MICAL3: variants seen among roughly 807,000 people sequenced by gnomAD.
MICAL3 encodes the protein microtubule associated monooxygenase, calponin and LIM domain containing 3.
Under a neutral mutation model 207.4 loss-of-function variants are expected in MICAL3, and 62 were observed. The ratio of observed to expected loss-of-function variants is 0.30; its 90% CI spans 0.24 to 0.37. The LOEUF (loss-of-function observed/expected upper bound fraction) is 0.37, where lower values mean the gene tolerates loss of function less well. Ranked by LOEUF, MICAL3 falls within the 10% of genes least tolerant of loss-of-function variation. The pLI, the probability that MICAL3 is intolerant of heterozygous loss-of-function variation, is 1.00. For synonymous variants in MICAL3, 1,077 were observed against 1,069.3 expected, an observed-to-expected ratio of 1.01 and a Z score of -0.14; for missense variants, 2,368 against 2,635.6, an observed-to-expected ratio of 0.90 and a Z score of 2.22.
chr22:18,011,320 C>A (rs148748455), intron 1 of MICAL3, among the ~76,000 whole-genome samples: 1 of 152,018 alleles, frequency 6.6e-6, no homozygotes, highest in African/African-American at 2.4e-5. Flanking sequence ...CCTAGGAAGG[C>A]GGATCACCTG....
chr22:17,975,585 A>T (rs918251524), intron 1 of MICAL3, among the ~76,000 whole-genome samples: 1 of 152,142 alleles, frequency 6.6e-6, no homozygotes, highest in Non-Finnish European at 1.5e-5. Flanking sequence ...CAACGAATTC[A>T]TTTACCCCAA....
intron 7 of MICAL3, among the ~76,000 whole-genome samples, chr22:17,898,281 C>T (rs56744840): frequency 2.3e-3 from 345 of 152,334 alleles, no homozygotes; most frequent in African/African-American, 7.9e-3. Flanking sequence ...AGCAATGTAA[C>T]CCTGATGTAG....
intron 1 of MICAL3, among the ~76,000 whole-genome samples, chr22:17,952,673 G>T (rs1310553068): frequency 6.6e-6 from 1 of 152,180 alleles, no homozygotes; most frequent in Non-Finnish European, 1.5e-5. Context: ...TGCCAAGGCA[G>T]GGGGTGGAGA....
chr22:17,917,410 G>A (rs971317273), intron 1 of MICAL3, among the ~76,000 whole-genome samples: 2 of 152,040 alleles, frequency 1.3e-5, no homozygotes, highest in East Asian at 1.9e-4. Flanking sequence ...CACATCCCAC[G>A]GTCCGTTCTT....
intron 1 of MICAL3, among the ~76,000 whole-genome samples, chr22:17,961,554 A>T (rs1221178993): frequency 1.3e-5 from 2 of 151,830 alleles, no homozygotes; most frequent in African/African-American, 4.8e-5. Flanking sequence ...CACCCATGGG[A>T]TCTGCTCCCA....
In MICAL3 at chr22:17,841,686, G is replaced by C. The variant is rs1389270791; in HGVS notation, c.2801+136C>G. 1.2e-6 allele frequency: 1 copy of C among 812,556 alleles called. No homozygotes were observed. The highest frequency in any genetic ancestry group is 1.7e-5 in the African/African-American group (1 of 58,720). The allele number at this position is 812,556 out of a possible 1,614,324, so 50.3% of individuals were successfully genotyped here. A position where few individuals can be genotyped will look rare whatever the true frequency, so the allele number is the denominator to read the frequency against. On this transcript the variant is annotated intron_variant, in intron 20 of 31. Transcript: ENST00000441493. This position sits in a 1 kb window ranked among gnomAD's most constrained non-coding sequence, Gnocchi z 4.2. ...AAGATGAGGCTAAGAACCTAAAAGG[G>C]ACTGGGGAGAATGGACTGCGGGCAG... is the stretch of plus-strand genomic sequence containing the variant.
rs183495962 is a variant in MICAL3, at chr22:17,790,360, G to A, written c.*372C>T. On this transcript the variant is annotated 3_prime_UTR_variant, in exon 32 of 32. Coordinates refer to ENST00000441493, the MANE Select transcript of MICAL3 (RefSeq NM_015241.3). The stretch of plus-strand genomic sequence containing the variant: ...AAGAAGACAGTGCCCCTCGCACGGC[G>A]CACTGTGGTTCTGACGGGGAGCAGC... 15 of 233,832 alleles carry A rather than the reference G, an allele frequency of 6.4e-5. No homozygotes were observed. The Admixed American group carries it at 6.5e-4, about 10-fold the overall frequency. 14.5% of individuals were successfully genotyped at this position (233,832 alleles called of 1,614,324 possible).
rs554549178 is a variant in MICAL3, at chr22:17,897,175, C to A, written c.949-194G>T. Among the ~76,000 whole-genome samples the A allele has an allele frequency of 3.6e-4, 55 of 152,226 alleles. 1 individual carries two copies. Among genetic ancestry groups the A allele is most frequent in the African/African-American group, 1.3e-3 (53 of 41,532 alleles). On this transcript the variant is annotated intron_variant, in intron 7 of 31. Transcript: ENST00000441493. ...CAATGGCCCACACCTGTAATCCCAGCACTTTGGGAGGCTGAGGCGGGCAGA... is the reference window on the plus strand; with the variant it reads ...CAATGGCCCACACCTGTAATCCCAGAACTTTGGGAGGCTGAGGCGGGCAGA...
chr22:18,010,337 T>C (rs1216900365), intron 1 of MICAL3, among the ~76,000 whole-genome samples: 1 of 152,110 alleles, frequency 6.6e-6, no homozygotes, highest in Non-Finnish European at 1.5e-5. Flanking sequence ...TTTTCTTTCA[T>C]TCATCCCTTG....
chr22:17,816,937 A>G (rs992955916), intron 26 of MICAL3, among the ~76,000 whole-genome samples, 153 bp from the exon 27 acceptor site: 2 of 152,212 alleles, frequency 1.3e-5, no homozygotes, highest in African/African-American at 4.8e-5. Context: ...GGGAGCCAGG[A>G]GCTGGGACAC....
rs556598957 is a variant in MICAL3, at chr22:18,004,237, C to T, written c.-75+20044G>A. 2.0e-5 allele frequency: 3 copies of T among 152,214 alleles called. No homozygotes were observed. The South Asian group carries it at 6.2e-4, about 32-fold the overall frequency. 9.4% of individuals were successfully genotyped at this position (152,214 alleles called of 1,614,324 possible). A position where few individuals can be genotyped will look rare whatever the true frequency, so the allele number is the denominator to read the frequency against. Reference sequence around the variant, plus strand: ...CCTTGCCATAACCCAACTGTCCATGCTCTCTGCCCCAATATACATTTCTTT... The same window carrying T: ...CCTTGCCATAACCCAACTGTCCATGTTCTCTGCCCCAATATACATTTCTTT... On this transcript the variant is annotated intron_variant, in intron 1 of 31. Coordinates refer to ENST00000441493, the MANE Select transcript of MICAL3 (RefSeq NM_015241.3).
chr22:17,996,292 A>C (rs1371194425), intron 1 of MICAL3, among the ~76,000 whole-genome samples: 6 of 151,814 alleles, frequency 4.0e-5, no homozygotes, highest in Non-Finnish European at 7.4e-5. Context: ...AAAATACAGA[A>C]AATTAGCCGG....
At chr22:17,907,248 C>T (rs1931801835) in intron 1 of MICAL3, among the ~76,000 whole-genome samples, 2 of 152,244 alleles carry the variant, frequency 1.3e-5, no homozygotes, top group South Asian at 4.1e-4. Context: ...AGGCGAGCCT[C>T]TGAGAGGTGA....
At chr22:17,993,482 G>T (rs775426716) in intron 1 of MICAL3, among the ~76,000 whole-genome samples, 1 of 152,044 alleles carries the variant, frequency 6.6e-6, no homozygotes, top group Admixed American at 6.6e-5. Flanking sequence ...AGTTTAGCTG[G>T]GGCAATAATG....
Position 17,904,725 on chromosome 22 carries a change from A to G in MICAL3, c.379T>C (p.Leu127=), listed in dbSNP as rs890988008. The change falls in exon 3 of 32, where the codon TTG becomes CTG. Residue 127 remains leucine, a synonymous_variant. Coordinates refer to ENST00000441493, the MANE Select transcript of MICAL3 (RefSeq NM_015241.3). ...KRDAFSRNNV[L]HLWPFTIHDL... Reference sequence around the variant, plus strand: ...TGTATGGTGAATGGCCAGAGATGCAAGACGTTGTTGCGGGAGAAGGCATCT... The same window carrying G: ...TGTATGGTGAATGGCCAGAGATGCAGGACGTTGTTGCGGGAGAAGGCATCT... 1.9e-6 allele frequency: 3 copies of G among 1,614,020 alleles called. No individual in the cohort carries two copies. Among genetic ancestry groups the G allele is most frequent in the Non-Finnish European group, 2.5e-6 (3 of 1,179,868 alleles).
rs201544705 is a variant in MICAL3, at chr22:17,877,486, T to G, written c.2242-5463A>C. Among the ~76,000 whole-genome samples, 411 of 83,054 alleles carry G rather than the reference T, an allele frequency of 4.9e-3. 5 individuals are homozygous for G. Among genetic ancestry groups the G allele is most frequent in the Non-Finnish European group, 6.5e-3 (266 of 40,616 alleles). The allele number at this position is 83,054 out of a possible 152,430, so 54.5% of individuals were successfully genotyped here. ...GAGATTATGGAGGTTAGGGAGGTTA[T>G]GGAGGTTAGGGAGGTTATGGAGGTT... On this transcript the variant is annotated intron_variant, in intron 16 of 31. Coordinates refer to ENST00000441493, the MANE Select transcript of MICAL3 (RefSeq NM_015241.3).
At chr22:17,851,482 C>T (rs1409209554) in intron 19 of MICAL3, among the ~76,000 whole-genome samples, 3 of 152,172 alleles carry the variant, frequency 2.0e-5, no homozygotes, top group African/African-American at 4.8e-5. Flanking sequence ...GTTCCTGAAG[C>T]CATCAGTGCA....
At chr22:17,922,750 T>A (rs1932830214) in intron 1 of MICAL3, among the ~76,000 whole-genome samples, 1 of 152,162 alleles carries the variant, frequency 6.6e-6, no homozygotes, top group South Asian at 2.1e-4. Flanking sequence ...ATAAGGTAGC[T>A]GTGCATGCTC....
At chr22:17,868,309 CT>C (rs747853178) in intron 17 of MICAL3, among the ~76,000 whole-genome samples, 6 of 151,076 alleles carry the variant, frequency 4.0e-5, no homozygotes, top group East Asian at 3.9e-4. Flanking sequence ...GCACTTTTTG[CT>C]TTTTAAATTA....
Sources: gnomAD v4.1 joint callset for allele counts (sites outside exome capture counted in the v4.1 genomes callset) on GRCh38, gnomAD v4.1.1 for gene constraint, Gnocchi (gnomAD v3.1) non-coding constraint, MANE v1.5 for transcripts, NCBI Gene and HGNC (gene_info 2026-07-23, HGNC 2026-07-21) for gene names.